Variants in EPC1 observed in about 807,000 individuals in gnomAD.
The protein encoded by EPC1 is enhancer of polycomb homolog 1.
Under a neutral mutation model 98.4 loss-of-function variants are expected in EPC1, and 12 were observed. The ratio of observed to expected loss-of-function variants is 0.12; its 90% CI spans 0.08 to 0.20. The LOEUF (loss-of-function observed/expected upper bound fraction) is 0.20. Among genes scored for constraint, EPC1 ranks in the 10% least tolerant of loss-of-function variants. The probability of loss-of-function intolerance (pLI) is 1.00; values close to 1 mark genes in which losing one functional copy is unlikely to be tolerated. For synonymous variants in EPC1, 357 were observed against 363.9 expected, an observed-to-expected ratio of 0.98 and a Z score of 0.21; for missense variants, 729 against 990.5, an observed-to-expected ratio of 0.74 and a Z score of 3.54.
intron 1 of EPC1, among the ~76,000 whole-genome samples, chr10:32,338,604 T>C (rs1838125761): frequency 1.3e-5 from 2 of 152,306 alleles, no homozygotes; most frequent in Admixed American, 6.5e-5. Context: ...CTGAGTACAA[T>C]GGCCTCCTGT....
intron 2 of EPC1, among the ~76,000 whole-genome samples, chr10:32,302,418 C>T (rs556816407): frequency 9.2e-5 from 14 of 152,056 alleles, no homozygotes; most frequent in African/African-American, 2.4e-4. Flanking sequence ...GAGGCCGAGG[C>T]GGGTGGATCA....
At chr10:32,332,214 G>C (rs1318623352) in intron 1 of EPC1, among the ~76,000 whole-genome samples, 1 of 152,220 alleles carries the variant, frequency 6.6e-6, no homozygotes, top group African/African-American at 2.4e-5. Flanking sequence ...CTTCATAACA[G>C]TTGACAGCAA....
At chr10:32,378,532 T>A in exon 1 of EPC1, 5 of 1,516,932 alleles carry the variant, frequency 3.3e-6, no homozygotes, top group Non-Finnish European at 4.5e-6. Context: ...TGAAAAAAAA[T>A]TGTAACAATA....
intron 1 of EPC1, among the ~76,000 whole-genome samples, chr10:32,319,645 C>T (rs4749720): frequency 8.5e-5 from 13 of 152,252 alleles, no homozygotes; most frequent in African/African-American, 1.7e-4. Flanking sequence ...AAAATGTCTA[C>T]GTCATAAAAG....
intron 1 of EPC1, among the ~76,000 whole-genome samples, chr10:32,363,565 G>T (rs999093007): frequency 6.6e-6 from 1 of 152,128 alleles, no homozygotes; most frequent in Non-Finnish European, 1.5e-5. Flanking sequence ...ACCTTTAAAA[G>T]AAAGAAATGC....
In EPC1 at chr10:32,336,072, T is replaced by C. The variant is rs12219800; in HGVS notation, c.153+10691A>G. Among the ~76,000 whole-genome samples the C allele has an allele frequency of 8.4e-3, 202 of 24,002 alleles. 3 individuals are homozygous for C. Among genetic ancestry groups the C allele is most frequent in the Admixed American group, 0.053 (49 of 932 alleles). 15.7% of individuals were successfully genotyped at this position (24,002 alleles called of 152,430 possible). ...ATGATAATCTACTACCTTTTCTTTTTTTTTTTTTTTTTTGAGACGGAGTTT... is the reference window on the plus strand; with the variant it reads ...ATGATAATCTACTACCTTTTCTTTTCTTTTTTTTTTTTTGAGACGGAGTTT... On this transcript the variant is annotated intron_variant, in intron 1 of 13. Transcript: ENST00000319778.
rs1004057814 is a variant in EPC1 at position 32,322,560 on chromosome 10, A to G, written c.154-16629T>C. ...TCTATCAAAAATAACAGATTTATCT[A>G]TGGTTGGTTTCTTGCCAGTCAATGT... On this transcript the variant is annotated intron_variant, in intron 1 of 13. Coordinates refer to ENST00000319778, the MANE Select transcript of EPC1 (RefSeq NM_001272004.3). Among the ~76,000 whole-genome samples, 16 of 152,358 alleles carry G rather than the reference A, an allele frequency of 1.1e-4. No homozygotes were observed. In the Middle Eastern group the frequency reaches 0.01, roughly 97 times the overall value.
At chr10:32,286,363 C>T in intron 9 of EPC1, 5 of 265,460 alleles carry the variant, frequency 1.9e-5, no homozygotes, top group Non-Finnish European at 2.9e-5. Context: ...TTTGCAGTTT[C>T]TTTAACTTAA....
At chr10:32,280,247 G>C (rs546104490) in intron 10 of EPC1, among the ~76,000 whole-genome samples, 23 of 152,274 alleles carry the variant, frequency 1.5e-4, no homozygotes, top group African/African-American at 5.3e-4. Flanking sequence ...TTGAGGTCAG[G>C]AGTTCAAGAC....
At chr10:32,312,704 G>T (rs1290406759) in intron 1 of EPC1, among the ~76,000 whole-genome samples, 2 of 152,190 alleles carry the variant, frequency 1.3e-5, no homozygotes, top group African/African-American at 4.8e-5. Context: ...AATGTTATGT[G>T]TGTATGTATA....
chr10:32,315,047 T>C (rs1836473333), intron 1 of EPC1, among the ~76,000 whole-genome samples: 1 of 152,252 alleles, frequency 6.6e-6, no homozygotes, highest in African/African-American at 2.4e-5. Flanking sequence ...ATCTCCAAAA[T>C]GTGAGCTCTT....
Position 32,305,855 on chromosome 10 carries a change from G to A in EPC1, c.230C>T (p.Pro77Leu). The A allele has an allele frequency of 6.2e-7, 1 of 1,613,416 alleles. No homozygotes were observed. Among genetic ancestry groups the A allele is most frequent in the Non-Finnish European group, 8.5e-7 (1 of 1,179,696 alleles). The stretch of plus-strand genomic sequence containing the variant: ...GTAAGCAATATTACTTTCTGCCTCT[G>A]GGACCGGTATAACCATATTATCCCT... ...EKRDNMVIPVPEAESNIAYYE... is the reference protein window; with the variant it reads ...EKRDNMVIPVLEAESNIAYYE... Residue 77 changes from proline to leucine, a missense_variant, in exon 2 of 14, where the codon CCA (proline) becomes CTA (leucine). Physicochemically the swap from Pro to Leu is moderately conservative, Grantham distance 98. Around this residue, in one of 6 missense-constraint regions of EPC1, gnomAD observed 46 missense variants for 119.7 expected, o/e 0.38. Coordinates refer to ENST00000319778, the MANE Select transcript of EPC1 (RefSeq NM_001272004.3).
At chr10:32,289,001 A>C (rs1836849555) in intron 6 of EPC1, among the ~76,000 whole-genome samples, 1 of 152,106 alleles carries the variant, frequency 6.6e-6, no homozygotes, top group Non-Finnish European at 1.5e-5. Context: ...AGGCAGGAGA[A>C]TCGCTTGAAC....
chr10:32,339,271 T>A (rs997134990), intron 1 of EPC1, among the ~76,000 whole-genome samples: 3 of 152,204 alleles, frequency 2.0e-5, no homozygotes, highest in African/African-American at 7.2e-5. Context: ...GAAACTACCA[T>A]AGGCCTACTG....
At chr10:32,299,476 G>A (rs1322511138) in intron 2 of EPC1, among the ~76,000 whole-genome samples, 3 of 152,048 alleles carry the variant, frequency 2.0e-5, no homozygotes, top group Admixed American at 6.6e-5. Context: ...GTGAGTCCCC[G>A]TGCCTGGCCA....
intron 4 of EPC1, 30 bp from the exon 5 acceptor site, chr10:32,292,674 TAGTA>T (rs1310491684): frequency 1.3e-5 from 20 of 1,588,802 alleles, no homozygotes; most frequent in South Asian, 2.3e-5. Context: ...TGTTTAATGT[TAGTA>T]AGTATTTCTA....
chr10:32,294,068 T>C (rs1835002844), intron 2 of EPC1, among the ~76,000 whole-genome samples: 1 of 152,222 alleles, frequency 6.6e-6, no homozygotes, highest in Admixed American at 6.5e-5. Context: ...CCATGTGAAG[T>C]GCCATTTTTA....
chr10:32,308,494 T>C (rs2132834621), intron 1 of EPC1, among the ~76,000 whole-genome samples: 1 of 152,332 alleles, frequency 6.6e-6, no homozygotes, highest in African/African-American at 2.4e-5. Flanking sequence ...AAATTCACCT[T>C]TGTCAGGTCT....
At chr10:32,284,453 C>A in intron 10 of EPC1, 1 of 357,284 alleles carries the variant, frequency 2.8e-6, no homozygotes, top group Non-Finnish European at 5.0e-6. Flanking sequence ...ATCCAGGAAA[C>A]AAATGTCACA....
Sources: allele counts gnomAD v4.1 joint callset (sites outside exome capture counted in the v4.1 genomes callset), GRCh38; gene constraint gnomAD v4.1.1; regional missense constraint gnomAD v4.1.1; transcripts MANE v1.5; gene names NCBI Gene and HGNC (gene_info 2026-07-23, HGNC 2026-07-21).